The following KHDRBS3 variants were observed in gnomAD, a reference collection of about 807,000 sequenced individuals.
KHDRBS3 encodes KH RNA binding domain containing, signal transduction associated 3, also known as KH domain-containing, RNA-binding, signal transduction-associated protein 3.
A neutral mutation model predicts 45.6 loss-of-function variants in KHDRBS3; 23 were observed. The ratio of observed to expected loss-of-function variants is 0.50; its 90% CI spans 0.36 to 0.72. The LOEUF is 0.72. Ranked by LOEUF, KHDRBS3 falls within the 30% of genes least tolerant of loss-of-function variation. The pLI is 0.00. For synonymous variants in KHDRBS3, 162 were observed against 156.5 expected (o/e 1.04, Z -0.26); for missense variants, 352 against 424.8 (o/e 0.83, Z 1.51).
At chr8:135,484,948 G>C (rs1563712929) in intron 1 of KHDRBS3, among the ~76,000 whole-genome samples, 1 of 152,268 alleles carries the variant, frequency 6.6e-6, no homozygotes, top group East Asian at 1.9e-4. Flanking sequence ...GTCGAGTGCT[G>C]TGCCAACTGT....
At chr8:135,514,425 C>G (rs1440187150) in intron 1 of KHDRBS3, among the ~76,000 whole-genome samples, 1 of 152,150 alleles carries the variant, frequency 6.6e-6, no homozygotes, top group East Asian at 1.9e-4. Flanking sequence ...CGTGGATGAG[C>G]CTTGAGGGCA....
chr8:135,634,569 T>G (rs944523339), intron 7 of KHDRBS3, among the ~76,000 whole-genome samples: 1 of 152,254 alleles, frequency 6.6e-6, no homozygotes, highest in Admixed American at 6.5e-5. Context: ...TGTTTCTCTT[T>G]TCTTATATTC....
intron 1 of KHDRBS3, among the ~76,000 whole-genome samples, chr8:135,503,224 G>A (rs950268859): frequency 6.6e-6 from 1 of 152,198 alleles, no homozygotes; most frequent in Admixed American, 6.5e-5. Context: ...ACTTTTCAAT[G>A]TTAGGTTATT....
intron 8 of KHDRBS3, among the ~76,000 whole-genome samples, chr8:135,645,925 G>A (rs1347873006): frequency 1.3e-5 from 2 of 150,544 alleles, no homozygotes; most frequent in East Asian, 3.9e-4. Flanking sequence ...ACCATTTTCC[G>A]GCGTTAAACC....
At chr8:135,597,840 A>G (rs1238118781) in intron 6 of KHDRBS3, among the ~76,000 whole-genome samples, 2 of 151,970 alleles carry the variant, frequency 1.3e-5, no homozygotes, top group African/African-American at 4.8e-5. Flanking sequence ...TTCTGGTTTA[A>G]TTTCATTTTC....
intron 2 of KHDRBS3, among the ~76,000 whole-genome samples, chr8:135,523,310 G>A (rs1825012121): frequency 1.3e-5 from 2 of 152,026 alleles, no homozygotes; most frequent in Admixed American, 1.3e-4. Flanking sequence ...ACAGCGCTTT[G>A]TACTTTTTAA....
At chr8:135,552,901 A>C (rs1250710994) in intron 4 of KHDRBS3, among the ~76,000 whole-genome samples, 2 of 152,076 alleles carry the variant, frequency 1.3e-5, no homozygotes, top group Non-Finnish European at 2.9e-5. Flanking sequence ...GTGTGTGTAC[A>C]TAGGGGAGTG....
At chr8:135,599,271 G>A (rs1829102505) in intron 6 of KHDRBS3, among the ~76,000 whole-genome samples, 1 of 152,212 alleles carries the variant, frequency 6.6e-6, no homozygotes, top group South Asian at 2.1e-4. Context: ...GAATAAGCAA[G>A]TCTTTTTAAT....
At chr8:135,538,559 A>G (rs865833063) in intron 2 of KHDRBS3, 6 of 152,144 alleles carry the variant, frequency 3.9e-5, no homozygotes, top group Non-Finnish European at 5.9e-5. Flanking sequence ...AAAATTCAAC[A>G]TTGTCACCGT....
intron 1 of KHDRBS3, among the ~76,000 whole-genome samples, chr8:135,468,307 C>T (rs1347444004): frequency 6.6e-6 from 1 of 152,128 alleles, no homozygotes; most frequent in Non-Finnish European, 1.5e-5. Flanking sequence ...TCAAATGAGC[C>T]ATTTTCCCCA....
At chr8:135,577,203 A>G (rs1433424809) in intron 5 of KHDRBS3, among the ~76,000 whole-genome samples, 1 of 151,904 alleles carries the variant, frequency 6.6e-6, no homozygotes, top group Non-Finnish European at 1.5e-5. Context: ...GCTTTAACCT[A>G]GTTAAAATGT....
chr8:135,556,988 G>T (rs1469135234), intron 4 of KHDRBS3, among the ~76,000 whole-genome samples: 1 of 152,116 alleles, frequency 6.6e-6, no homozygotes, highest in Non-Finnish European at 1.5e-5. Context: ...CTACATGAAG[G>T]CTATGCTGTT....
intron 5 of KHDRBS3, among the ~76,000 whole-genome samples, chr8:135,561,343 G>A (rs1447990197): frequency 6.6e-6 from 1 of 152,156 alleles, no homozygotes; most frequent in Non-Finnish European, 1.5e-5. Context: ...ATAGTCCGAT[G>A]AGGTGGGCAC....
intron 7 of KHDRBS3, among the ~76,000 whole-genome samples, chr8:135,644,754 G>A (rs1011413846): frequency 1.2e-4 from 18 of 152,204 alleles, no homozygotes; most frequent in Non-Finnish European, 2.9e-5. Context: ...TCCCAGGTCA[G>A]GTGCTGTCTT....
chr8:135,643,635 G>A (rs573189794), intron 7 of KHDRBS3, among the ~76,000 whole-genome samples: 4 of 152,304 alleles, frequency 2.6e-5, no homozygotes, highest in East Asian at 1.9e-4. Context: ...ATGCTGTGCC[G>A]TAGTCATTAA....
Position 135,515,452 on chromosome 8 carries a change from T to C in KHDRBS3, c.89-5785T>C, listed in dbSNP as rs141265338. Among the ~76,000 whole-genome samples the C allele has an allele frequency of 6.7e-4, 99 of 148,480 alleles. 2 individuals carry two copies. The East Asian group carries it at 0.019, about 28-fold the overall frequency. On this transcript the variant is annotated intron_variant, in intron 1 of 8. Coordinates refer to ENST00000355849, the MANE Select transcript of KHDRBS3 (RefSeq NM_006558.3). ...AGGGGTTGGAGTTTTATTGTTGTCG[T>C]TGTTGATTTTTTTTTGTTTTTGCCT...
chr8:135,638,829 T>C (rs1221839499), intron 7 of KHDRBS3, among the ~76,000 whole-genome samples: 1 of 150,074 alleles, frequency 6.7e-6, no homozygotes, highest in African/African-American at 2.4e-5. Flanking sequence ...CACGCGCCTA[T>C]AGTCCCAGCT....
At chr8:135,608,580 C>A (rs117376448) in intron 7 of KHDRBS3, among the ~76,000 whole-genome samples, 296 of 152,322 alleles carry the variant, frequency 1.9e-3, no homozygotes, top group Non-Finnish European at 2.9e-3. Context: ...AGGTGTGTGA[C>A]TGTCAAGTGC....
At chr8:135,621,381 G>A (rs928415407) in intron 7 of KHDRBS3, among the ~76,000 whole-genome samples, 39 of 152,100 alleles carry the variant, frequency 2.6e-4, no homozygotes, top group Non-Finnish European at 1.5e-5. Flanking sequence ...ATAAATTGTT[G>A]GCCTTTCTGT....
Sources: allele counts gnomAD v4.1 joint callset (sites outside exome capture counted in the v4.1 genomes callset), GRCh38; gene constraint gnomAD v4.1.1; transcripts MANE v1.5; gene names NCBI Gene and HGNC (gene_info 2026-07-23, HGNC 2026-07-21).